The following PRKCB variants were observed in gnomAD, a reference collection of about 807,000 sequenced individuals.
PRKCB encodes the protein protein kinase C beta.
In PRKCB, 13 loss-of-function variants were observed where a neutral mutation model predicts 81.5. The ratio of observed to expected loss-of-function variants is 0.16; its 90% CI spans 0.10 to 0.25. The LOEUF is 0.25. Among genes scored for constraint, PRKCB ranks in the 10% least tolerant of loss-of-function variants. The probability of loss-of-function intolerance (pLI) is 1.00; values close to 1 mark genes in which losing one functional copy is unlikely to be tolerated. For synonymous variants in PRKCB, 335 were observed against 321.4 expected (o/e 1.04, Z -0.45); for missense variants, 509 against 875.7 (o/e 0.58, Z 5.29).
At chr16:24,011,392 T>C (rs1303169988) in intron 3 of PRKCB, among the ~76,000 whole-genome samples, 1 of 152,230 alleles carries the variant, frequency 6.6e-6, no homozygotes, top group Non-Finnish European at 1.5e-5. Context: ...GTGAAATGCA[T>C]AGGCTCAGGT....
chr16:24,123,568 T>C (rs984391417), intron 8 of PRKCB, among the ~76,000 whole-genome samples: 3 of 151,982 alleles, frequency 2.0e-5, no homozygotes, highest in Non-Finnish European at 4.4e-5. Context: ...ATGGTTGAGA[T>C]GGAAAGAAGT....
At chr16:23,875,823 G>T (rs1039905184) in intron 2 of PRKCB, among the ~76,000 whole-genome samples, 1 of 121,208 alleles carries the variant, frequency 8.3e-6, no homozygotes, top group African/African-American at 3.1e-5. Context: ...ATATATATAT[G>T]CATGACCCAT....
At chr16:23,987,638 G>T (rs1964819170) in intron 2 of PRKCB, among the ~76,000 whole-genome samples, 1 of 152,076 alleles carries the variant, frequency 6.6e-6, no homozygotes, top group African/African-American at 2.4e-5. Flanking sequence ...TGTCACTAGG[G>T]ATGGCCTTGA....
chr16:23,867,190 A>AT (rs1962822412), intron 2 of PRKCB, among the ~76,000 whole-genome samples: 2 of 151,054 alleles, frequency 1.3e-5, no homozygotes, highest in African/African-American at 2.4e-5. Flanking sequence ...CCGTGGCATG[A>AT]TCTCAGCTCA....
chr16:24,085,403 C>T (rs1194663635), intron 5 of PRKCB, among the ~76,000 whole-genome samples: 1 of 152,152 alleles, frequency 6.6e-6, no homozygotes, highest in East Asian at 1.9e-4. Context: ...TTGATTGTTA[C>T]ATAATTTGGT....
In PRKCB at chr16:23,951,994, G is replaced by A. The variant is rs187734007; in HGVS notation, c.206-36514G>A. ...CTGTCAGACTGTGAGAAACTTGAGG[G>A]CAGGGGCTGTACTTTATTCTTCTCT... On this transcript the variant is annotated intron_variant, in intron 2 of 16. Transcript: ENST00000643927. Among the ~76,000 whole-genome samples, 298 of 152,260 alleles carry A rather than the reference G, an allele frequency of 2.0e-3. 2 individuals carry two copies. Among genetic ancestry groups the A allele is most frequent in the East Asian group, 2.3e-3 (12 of 5,184 alleles).
rs144492765 is a variant in PRKCB, at chr16:23,987,817, G to A, written c.206-691G>A. ...TTTGAACAACAACAACAACAACAAA[G>A]CAGTTTTATTTTGTATACATTCTTT... On this transcript the variant is annotated intron_variant, in intron 2 of 16. Transcript: ENST00000643927. Among the ~76,000 whole-genome samples the A allele has an allele frequency of 5.5e-3, 830 of 152,012 alleles. 3 individuals carry two copies. The highest frequency in any genetic ancestry group is 0.017 in the Middle Eastern group (5 of 294).
intron 5 of PRKCB, among the ~76,000 whole-genome samples, chr16:24,068,058 C>T (rs530845032): frequency 6.6e-5 from 10 of 151,896 alleles, no homozygotes; most frequent in South Asian, 4.1e-4. Flanking sequence ...TTATAGCCTT[C>T]GTAAGGTTTG....
chr16:23,965,565 T>C (rs1964476555), intron 2 of PRKCB, among the ~76,000 whole-genome samples: 1 of 152,226 alleles, frequency 6.6e-6, no homozygotes, highest in South Asian at 2.1e-4. Context: ...CAATGATGAA[T>C]TTCTATGAAC....
At chr16:24,093,266 A>T (rs1966398576) in intron 6 of PRKCB, among the ~76,000 whole-genome samples, 2 of 152,190 alleles carry the variant, frequency 1.3e-5, no homozygotes, top group South Asian at 4.1e-4. Context: ...GATGGGGCTC[A>T]GCAAATAGGG....
chr16:23,953,917 G>A (rs1964315862), intron 2 of PRKCB, among the ~76,000 whole-genome samples: 1 of 149,400 alleles, frequency 6.7e-6, no homozygotes, highest in Non-Finnish European at 1.5e-5. Context: ...CACCCAGGCT[G>A]GAATGCAGTG....
At chr16:24,108,304 T>A (rs1033259019) in intron 7 of PRKCB, among the ~76,000 whole-genome samples, 4 of 148,688 alleles carry the variant, frequency 2.7e-5, no homozygotes, top group Admixed American at 1.3e-4. Flanking sequence ...TATTTTTTTT[T>A]AATTGATTGA....
intron 2 of PRKCB, among the ~76,000 whole-genome samples, chr16:23,932,657 A>G (rs1470235098): frequency 1.3e-5 from 2 of 152,244 alleles, no homozygotes; most frequent in African/African-American, 4.8e-5. Flanking sequence ...GAGAAAGCTT[A>G]TCTTCAGAGA....
chr16:24,130,253 A>G (rs1966851451), intron 9 of PRKCB, among the ~76,000 whole-genome samples: 1 of 152,188 alleles, frequency 6.6e-6, no homozygotes, highest in East Asian at 1.9e-4. Flanking sequence ...GGAGGTATAC[A>G]CATTCATTTA....
At chr16:24,147,289 C>G (rs541289607) in intron 9 of PRKCB, among the ~76,000 whole-genome samples, 1 of 135,328 alleles carries the variant, frequency 7.4e-6, no homozygotes, top group African/African-American at 2.9e-5. Flanking sequence ...GCCTGGGCAA[C>G]AGAGGAGACT....
At chr16:24,092,324 T>A (rs1285554600) in intron 5 of PRKCB, among the ~76,000 whole-genome samples, 1 of 152,358 alleles carries the variant, frequency 6.6e-6, no homozygotes, top group South Asian at 2.1e-4. Flanking sequence ...GCAGCAGTAT[T>A]CACAACAGCC....
chr16:23,897,546 G>C (rs1374431456), intron 2 of PRKCB, among the ~76,000 whole-genome samples: 1 of 152,208 alleles, frequency 6.6e-6, no homozygotes, highest in Non-Finnish European at 1.5e-5. Flanking sequence ...GCTGTCACCT[G>C]TTGGTGGGTT....
intron 16 of PRKCB, among the ~76,000 whole-genome samples, chr16:24,200,740 A>G (rs79897188): frequency 0.012 from 1,764 of 152,026 alleles, 5 homozygotes; most frequent in African/African-American, 0.04. Context: ...ACGGAGCCAA[A>G]CTCATCCCTT....
intron 5 of PRKCB, among the ~76,000 whole-genome samples, chr16:24,076,513 G>C (rs1333217724): frequency 6.6e-6 from 1 of 152,166 alleles, no homozygotes; most frequent in African/African-American, 2.4e-5. Context: ...GAATTCACTG[G>C]CTTTGTTCCT....
Sources: gnomAD v4.1 joint callset for allele counts (sites outside exome capture counted in the v4.1 genomes callset) on GRCh38, gnomAD v4.1.1 for gene constraint, MANE v1.5 for transcripts, NCBI Gene and HGNC (gene_info 2026-07-23, HGNC 2026-07-21) for gene names.